NFAM1: variants seen among roughly 807,000 people sequenced by gnomAD.
The protein encoded by NFAM1 is NFAT activation molecule 1.
NFAM1 carries 17 observed loss-of-function variants against 29.0 expected under a neutral mutation model. The ratio of observed to expected loss-of-function variants is 0.59; its 90% CI spans 0.40 to 0.88. The LOEUF is 0.88. NFAM1 is among the 40% of genes least tolerant of loss of function. The probability of loss-of-function intolerance (pLI) is 0.00; values close to 1 mark genes in which losing one functional copy is unlikely to be tolerated. For synonymous variants in NFAM1, 175 were observed against 147.2 expected (o/e 1.19, Z -1.36); for missense variants, 324 against 344.6 (o/e 0.94, Z 0.47).
At chr22:42,420,007 T>TTTG in intron 1 of NFAM1, among the ~76,000 whole-genome samples, 1 of 135,978 alleles carries the variant, frequency 7.4e-6, no homozygotes, top group Non-Finnish European at 1.6e-5. Context: ...TTTTTTTTTT[T>TTTG]TTTTTTTTTT....
In NFAM1 at chr22:42,419,246, CCT is replaced by C. The variant is rs978430931; in HGVS notation, c.122-7512_122-7511del. 3.9e-5 allele frequency among the ~76,000 whole-genome samples: 6 copies of C among 152,092 alleles called. No homozygotes were observed. The highest frequency in any genetic ancestry group is 1.2e-4 in the African/African-American group (5 of 41,410). ...CAACTCAACAGCTCCCATCCAGTCC[CCT>C]CTCCTGCCCAACCAGGGCTGTCTCT... is the stretch of plus-strand genomic sequence containing the variant. On this transcript the variant is annotated intron_variant, in intron 1 of 5. Coordinates refer to ENST00000329021, the MANE Select transcript of NFAM1 (RefSeq NM_145912.8). The surrounding 1 kb of genome is among the most constrained non-coding windows in gnomAD (Gnocchi z 4.5).
chr22:42,397,204 G>GGCCAGGCTGGGGCAGCCTGGCC, intron 4 of NFAM1, among the ~76,000 whole-genome samples: 2 of 152,274 alleles, frequency 1.3e-5, no homozygotes, highest in East Asian at 3.9e-4. Context: ...CTGGCTGGCT[G>GGCCAGGCTGGGGCAGCCTGGCC]GCCAGGCTGG....
chr22:42,387,610 C>T (rs1929195345), intron 4 of NFAM1, among the ~76,000 whole-genome samples: 1 of 150,414 alleles, frequency 6.6e-6, no homozygotes, highest in African/African-American at 2.4e-5. Context: ...ATAACCCAGG[C>T]ACCCACTGGG....
intron 3 of NFAM1, among the ~76,000 whole-genome samples, chr22:42,404,839 T>A (rs1601746077): frequency 5.1e-5 from 5 of 97,694 alleles, no homozygotes; most frequent in South Asian, 3.1e-4. Context: ...AGGCAAAGAG[T>A]AAAACTCCAT....
At chr22:42,412,821 A>G (rs1017633707) in intron 1 of NFAM1, among the ~76,000 whole-genome samples, 29 of 152,196 alleles carry the variant, frequency 1.9e-4, no homozygotes, top group Non-Finnish European at 4.4e-5. Flanking sequence ...AGTTTTTCCA[A>G]CAACGCAGAG....
At chr22:42,421,564 C>A (rs1217480795) in intron 1 of NFAM1, among the ~76,000 whole-genome samples, 1 of 152,154 alleles carries the variant, frequency 6.6e-6, no homozygotes, top group Non-Finnish European at 1.5e-5. Context: ...TCTGCTCCAG[C>A]TGCTGAGGCT....
At chr22:42,400,897 G>A (rs1929704151) in intron 3 of NFAM1, among the ~76,000 whole-genome samples, 1 of 152,232 alleles carries the variant, frequency 6.6e-6, no homozygotes, top group Non-Finnish European at 1.5e-5. Context: ...CTCATGGGCA[G>A]TGGGTCTCCC....
chr22:42,422,248 A>G (rs1930469932), intron 1 of NFAM1, among the ~76,000 whole-genome samples: 1 of 152,178 alleles, frequency 6.6e-6, no homozygotes. Flanking sequence ...CAAGGTTTGA[A>G]TCGGGAATAA....
At chr22:42,418,641 C>T (rs1475306501) in intron 1 of NFAM1, among the ~76,000 whole-genome samples, 2 of 151,414 alleles carry the variant, frequency 1.3e-5, no homozygotes, top group South Asian at 2.1e-4. Context: ...TGCAGTGAGC[C>T]GAGATCGCAC....
At chr22:42,406,200 G>C (rs987515673) in intron 3 of NFAM1, among the ~76,000 whole-genome samples, 1 of 132,600 alleles carries the variant, frequency 7.5e-6, no homozygotes, top group Non-Finnish European at 1.7e-5. Context: ...CGAGGGAGCA[G>C]AGCAAACCAC....
intron 2 of NFAM1, among the ~76,000 whole-genome samples, chr22:42,411,023 T>TTC (rs1930068630): frequency 1.9e-5 from 1 of 53,658 alleles, no homozygotes; most frequent in African/African-American, 7.9e-5. Flanking sequence ...TCTTTTCTTT[T>TTC]TTTTTTTTTT....
intron 3 of NFAM1, among the ~76,000 whole-genome samples, chr22:42,402,959 C>T (rs185004126): frequency 3.3e-5 from 5 of 151,652 alleles, no homozygotes; most frequent in Middle Eastern, 3.4e-3. Context: ...CTCAGCCTCC[C>T]GAGTAACTGG....
At chr22:42,400,280 A>C (rs994043940) in intron 3 of NFAM1, among the ~76,000 whole-genome samples, 1 of 152,100 alleles carries the variant, frequency 6.6e-6, no homozygotes, top group African/African-American at 2.4e-5. Flanking sequence ...ATTTTCATTT[A>C]ATTCTCATAA....
intron 1 of NFAM1, among the ~76,000 whole-genome samples, chr22:42,417,113 C>A (rs1011712841): frequency 1.3e-5 from 2 of 152,148 alleles, no homozygotes; most frequent in African/African-American, 2.4e-5. Flanking sequence ...CCGGTGGGGA[C>A]GGACAAGGAA....
intron 3 of NFAM1, among the ~76,000 whole-genome samples, chr22:42,399,800 C>T (rs565922923): frequency 6.6e-6 from 1 of 152,316 alleles, no homozygotes; most frequent in South Asian, 2.1e-4. Flanking sequence ...ACAACTGCCT[C>T]ATCTCAGGGC....
intron 4 of NFAM1, among the ~76,000 whole-genome samples, chr22:42,397,195 T>C (rs1929559320): frequency 1.3e-5 from 2 of 152,190 alleles, no homozygotes; most frequent in African/African-American, 2.4e-5. Context: ...GGCTGCATGC[T>C]GGCTGGCTGG....
At position 42,407,366 on chromosome 22, in the gene NFAM1, G is replaced by A. The variant is rs1929934423; in HGVS notation, c.564+2069C>T. ...CAAAGTGCCAGGATTACAAGCATAA[G>A]CCACCGCACCCAGCCTTTTATTTAT... is the stretch of plus-strand genomic sequence containing the variant. On this transcript the variant is annotated intron_variant, in intron 3 of 5. Transcript: ENST00000329021. Among the ~76,000 whole-genome samples, 3 of 151,932 alleles carry A rather than the reference G, an allele frequency of 2.0e-5. No homozygotes were observed. The South Asian group carries it at 6.3e-4, about 32-fold the overall frequency.
intron 1 of NFAM1, among the ~76,000 whole-genome samples, chr22:42,430,118 G>T (rs1384826971): frequency 6.6e-6 from 1 of 151,746 alleles, no homozygotes; most frequent in East Asian, 1.9e-4. Flanking sequence ...TTAAAAAATA[G>T]CTGGGTGTGG....
At chr22:42,433,244 G>A (rs184413403), upstream of NFAM1, among the ~76,000 whole-genome samples, 2 of 152,338 alleles carry the variant, frequency 1.3e-5, no homozygotes, top group African/African-American at 2.4e-5. Context: ...AGGGGCTGGG[G>A]TGTGGTGATG....
Sources: gnomAD v4.1 joint callset for allele counts (sites outside exome capture counted in the v4.1 genomes callset) on GRCh38, gnomAD v4.1.1 for gene constraint, Gnocchi (gnomAD v3.1) non-coding constraint, MANE v1.5 for transcripts, NCBI Gene and HGNC (gene_info 2026-07-23, HGNC 2026-07-21) for gene names.